SPOCK1: variants seen among roughly 807,000 people sequenced by gnomAD.
SPOCK1 encodes SPARC (osteonectin), cwcv and kazal like domains proteoglycan 1, also known as testican-1.
SPOCK1 carries 23 observed loss-of-function variants against 55.3 expected under a neutral mutation model. That is an observed-to-expected ratio of 0.42 (90% CI 0.30 to 0.59). The LOEUF is 0.59. Among genes scored for constraint, SPOCK1 ranks in the 20% least tolerant of loss-of-function variants. The pLI is 0.22. For missense variants in SPOCK1, 499 were observed against 552.5 expected, an observed-to-expected ratio of 0.90 and a Z score of 0.97; for synonymous variants, 226 against 221.0, an observed-to-expected ratio of 1.02 and a Z score of -0.20.
At chr5:137,484,798 A>C (rs1406212817) in intron 2 of SPOCK1, among the ~76,000 whole-genome samples, 2 of 152,226 alleles carry the variant, frequency 1.3e-5, no homozygotes, top group African/African-American at 4.8e-5. Flanking sequence ...ATTGCCTACC[A>C]TCAGATACCT....
intron 6 of SPOCK1, among the ~76,000 whole-genome samples, chr5:137,061,084 A>C (rs1278057793): frequency 6.6e-6 from 1 of 152,246 alleles, no homozygotes; most frequent in Non-Finnish European, 1.5e-5. Context: ...AATGAAGCTG[A>C]ATATGTATCG....
intron 3 of SPOCK1, among the ~76,000 whole-genome samples, chr5:137,209,536 C>T (rs888595053): frequency 3.9e-5 from 6 of 152,156 alleles, no homozygotes; most frequent in African/African-American, 1.2e-4. Flanking sequence ...ATTTGTTGAG[C>T]CAAGAACCTC....
intron 2 of SPOCK1, among the ~76,000 whole-genome samples, chr5:137,437,016 T>C (rs1012644745): frequency 6.6e-6 from 1 of 152,210 alleles, no homozygotes; most frequent in South Asian, 2.1e-4. Flanking sequence ...AAAGCCCTAG[T>C]ATCAGGACAG....
intron 5 of SPOCK1, among the ~76,000 whole-genome samples, chr5:137,109,406 G>A (rs773745612): frequency 2.6e-4 from 40 of 152,092 alleles, no homozygotes; most frequent in Non-Finnish European, 5.0e-4. Context: ...ATGCGGACTG[G>A]AATCTCCCCA....
At chr5:137,007,408 G>A (rs1203419547) in intron 6 of SPOCK1, among the ~76,000 whole-genome samples, 3 of 151,670 alleles carry the variant, frequency 2.0e-5, no homozygotes, top group African/African-American at 7.3e-5. Flanking sequence ...TCTGACAAAG[G>A]GCTAATATCC....
chr5:137,225,687 AAC>A (rs1683353687), intron 3 of SPOCK1, among the ~76,000 whole-genome samples: 2 of 152,318 alleles, frequency 1.3e-5, no homozygotes, highest in African/African-American at 4.8e-5. Context: ...GGCTTGGGAA[AAC>A]ACAGGTTTCT....
chr5:137,097,324 T>C (rs1002599451), intron 5 of SPOCK1, among the ~76,000 whole-genome samples: 1 of 152,222 alleles, frequency 6.6e-6, no homozygotes, highest in African/African-American at 2.4e-5. Flanking sequence ...TTGGCAGACC[T>C]GAGAAGGTTC....
At chr5:137,262,205 CTA>C (rs766354511) in intron 3 of SPOCK1, among the ~76,000 whole-genome samples, 6 of 152,162 alleles carry the variant, frequency 3.9e-5, no homozygotes, top group Non-Finnish European at 5.9e-5. Context: ...TCAATAAATT[CTA>C]TCTTTCATTC....
At chr5:137,084,119 TC>T (rs1752919261) in intron 5 of SPOCK1, among the ~76,000 whole-genome samples, 1 of 151,942 alleles carries the variant, frequency 6.6e-6, no homozygotes, top group Non-Finnish European at 1.5e-5. Flanking sequence ...TAAGTGCTCA[TC>T]CCCCTCTGCC....
chr5:137,343,237 C>T (rs1486466470), intron 2 of SPOCK1, among the ~76,000 whole-genome samples: 1 of 152,232 alleles, frequency 6.6e-6, no homozygotes, highest in Non-Finnish European at 1.5e-5. Flanking sequence ...CTAGCTAGAC[C>T]TGCAGACCTT....
intron 2 of SPOCK1, among the ~76,000 whole-genome samples, chr5:137,428,723 C>T (rs1408316785): frequency 2.0e-5 from 3 of 152,212 alleles, no homozygotes. Flanking sequence ...CTAGCCCACC[C>T]ACCCGCAAAG....
intron 5 of SPOCK1, among the ~76,000 whole-genome samples, chr5:137,075,190 T>C (rs2127010245): frequency 6.6e-6 from 1 of 152,308 alleles, no homozygotes; most frequent in Non-Finnish European, 1.5e-5. Context: ...CTTTAAATGC[T>C]CTGTACATTG....
At chr5:137,372,341 C>G (rs1238624750) in intron 2 of SPOCK1, among the ~76,000 whole-genome samples, 1 of 152,204 alleles carries the variant, frequency 6.6e-6, no homozygotes, top group Admixed American at 6.5e-5. Context: ...ATTCTGCCAA[C>G]CAATACCCTC....
intron 2 of SPOCK1, among the ~76,000 whole-genome samples, chr5:137,402,200 G>A (rs758962161): frequency 6.6e-6 from 1 of 152,128 alleles, no homozygotes; most frequent in Non-Finnish European, 1.5e-5. Flanking sequence ...CAGTTCCCCT[G>A]AGTCAGAGGA....
intron 3 of SPOCK1, among the ~76,000 whole-genome samples, chr5:137,257,732 T>A (rs1756664475): frequency 6.6e-6 from 1 of 152,218 alleles, no homozygotes. Context: ...TCTGCCCATC[T>A]TCAGAAAGGC....
intron 3 of SPOCK1, among the ~76,000 whole-genome samples, chr5:137,154,573 T>C (rs1453363713): frequency 6.6e-6 from 1 of 152,218 alleles, no homozygotes; most frequent in Non-Finnish European, 1.5e-5. Context: ...TTTAGAATGA[T>C]GGGTTCTCAC....
intron 2 of SPOCK1, among the ~76,000 whole-genome samples, chr5:137,328,596 C>T (rs1758117987): frequency 6.6e-6 from 1 of 152,198 alleles, no homozygotes; most frequent in South Asian, 2.1e-4. Flanking sequence ...ACAGCTCTAA[C>T]AGCAGCCAGT....
intron 9 of SPOCK1, among the ~76,000 whole-genome samples, chr5:136,980,523 G>A (rs952860118): frequency 6.6e-6 from 1 of 152,154 alleles, no homozygotes; most frequent in Non-Finnish European, 1.5e-5. Context: ...TCATGGGGGC[G>A]AGTTTTTCCC....
rs956792771 is a variant in SPOCK1 at position 136,978,644 on chromosome 5, C to T, written c.*10G>A. 7 of 1,583,312 alleles carry T rather than the reference C, an allele frequency of 4.4e-6. No homozygotes were observed. The African/African-American group carries it at 8.1e-5, about 18-fold the overall frequency. Reference sequence around the variant, plus strand: ...TTTGTGCAAAACTTGTGTCCTCTTTCTTGTGGGCACTACCATATGTACCCG... The same window carrying T: ...TTTGTGCAAAACTTGTGTCCTCTTTTTTGTGGGCACTACCATATGTACCCG... On this transcript the variant is annotated 3_prime_UTR_variant, in exon 11 of 11. Coordinates refer to ENST00000394945, the MANE Select transcript of SPOCK1 (RefSeq NM_004598.4).
Sources: gnomAD v4.1 joint callset for allele counts (sites outside exome capture counted in the v4.1 genomes callset) on GRCh38, gnomAD v4.1.1 for gene constraint, MANE v1.5 for transcripts, NCBI Gene and HGNC (gene_info 2026-07-23, HGNC 2026-07-21) for gene names.